Variants in MYOZ1 observed in about 807,000 individuals in gnomAD.
MYOZ1 encodes the protein myozenin 1, also known as myozenin-1.
MYOZ1 carries 20 observed loss-of-function variants against 28.7 expected under a neutral mutation model. The observed-to-expected ratio is 0.70, with a 90% CI of 0.49 to 1.01. The LOEUF is 1.01. Among genes scored for constraint, MYOZ1 ranks in the 50% least tolerant of loss-of-function variants. The pLI is 0.00. For synonymous variants in MYOZ1, 144 were observed against 145.8 expected, an observed-to-expected ratio of 0.99 and a Z score of 0.09; for missense variants, 371 against 372.4, an observed-to-expected ratio of 1.00 and a Z score of 0.03.
At chr10:73,639,902 C>T (rs372457228) in intron 2 of MYOZ1, 43 bp downstream of exon 2, 2 of 1,579,644 alleles carry the variant, frequency 1.3e-6, no homozygotes, top group African/African-American at 1.3e-5. Context: ...TTTAGGGATG[C>T]TCTTAAGAAG....
At chr10:73,634,861 C>G in intron 3 of MYOZ1, 128 bp from the exon 4 acceptor site, 1 of 1,107,328 alleles carries the variant, frequency 9.0e-7, no homozygotes, top group Non-Finnish European at 1.3e-6. Flanking sequence ...ATATTTCCCC[C>G]TCCAGTTGAT....
At position 73,634,698 on chromosome 10, in the gene MYOZ1, TC is replaced by T; in HGVS notation, c.287del (p.Gly96AspfsTer143). On this transcript the variant is annotated frameshift_variant, in exon 4 of 6. Coordinates refer to ENST00000359322, the MANE Select transcript of MYOZ1 (RefSeq NM_021245.4). LOFTEE classifies it high-confidence loss of function. ...HFQKFLPTVG[G>X]QLGTAGQGFS... ...ATCCCTGACCAGCTGTGCCCAGCTG[TC>T]CCCCCACTGTTGGAAGGAACTTCTG... The T allele has an allele frequency of 3.7e-6, 6 of 1,613,668 alleles. No individual in the cohort carries two copies. Among genetic ancestry groups the T allele is most frequent in the Non-Finnish European group, 5.1e-6 (6 of 1,179,824 alleles).
At chr10:73,638,053 C>G in intron 2 of MYOZ1, 131 bp from the exon 3 acceptor site, 1 of 810,600 alleles carries the variant, frequency 1.2e-6, no homozygotes, top group Middle Eastern at 3.8e-4. Context: ...GGAACAAATG[C>G]TGTCTAGTTT....
chr10:73,633,877 G>A, intron 5 of MYOZ1, 23 bp downstream of exon 5: 1 of 1,587,000 alleles, frequency 6.3e-7, no homozygotes, highest in African/African-American at 1.4e-5. Context: ...GAATGCATCT[G>A]GTTCCTTCCT....
In MYOZ1 at chr10:73,639,461, A is replaced by C. The variant is rs1006158509; in HGVS notation, c.73+484T>G. 8.5e-5 allele frequency among the ~76,000 whole-genome samples: 13 copies of C among 152,242 alleles called. 1 individual carries two copies. The East Asian group carries it at 2.5e-3, about 29-fold the overall frequency. ...AACTACTTTCCCTTTTCTTTCCCTCAGTGAGCTCTGGCTCCAAAGAGTCTC... is the reference window on the plus strand; with the variant it reads ...AACTACTTTCCCTTTTCTTTCCCTCCGTGAGCTCTGGCTCCAAAGAGTCTC... On this transcript the variant is annotated intron_variant, in intron 2 of 5. Coordinates refer to ENST00000359322, the MANE Select transcript of MYOZ1 (RefSeq NM_021245.4).
In MYOZ1 at chr10:73,631,770, G is replaced by A. The variant is rs1488235217; in HGVS notation, c.*160C>T. 2 of 642,586 alleles carry A rather than the reference G, an allele frequency of 3.1e-6. No homozygotes were observed. The highest frequency in any genetic ancestry group is 5.4e-6 in the Non-Finnish European group (2 of 371,750). 39.8% of individuals were successfully genotyped at this position (642,586 alleles called of 1,614,324 possible). On this transcript the variant is annotated 3_prime_UTR_variant, in exon 6 of 6. Coordinates refer to ENST00000359322, the MANE Select transcript of MYOZ1 (RefSeq NM_021245.4). ...TCTGAGTTGGTGAGGAAGGATGCGT[G>A]GAGTGGGGACTTGGAGTAAAGGATG... is the stretch of plus-strand genomic sequence containing the variant.
intron 2 of MYOZ1, among the ~76,000 whole-genome samples, chr10:73,639,183 C>T (rs1043969736): frequency 1.3e-5 from 2 of 151,816 alleles, no homozygotes; most frequent in Admixed American, 6.6e-5. Flanking sequence ...AGGGTAGCGT[C>T]GCAATCATGG....
At chr10:73,633,132 A>C (rs1007604119) in intron 5 of MYOZ1, among the ~76,000 whole-genome samples, 3 of 151,936 alleles carry the variant, frequency 2.0e-5, no homozygotes, top group Non-Finnish European at 4.4e-5. Context: ...CCCCATCTCT[A>C]CTAAAAATAC....
intron 2 of MYOZ1, 96 bp from the exon 3 acceptor site, chr10:73,638,018 T>A: frequency 1.7e-6 from 2 of 1,146,788 alleles, no homozygotes. Context: ...AGTGTGTATG[T>A]GTGTCCTGGC....
At chr10:73,637,981 T>A in intron 2 of MYOZ1, 59 bp from the exon 3 acceptor site, 1 of 1,525,986 alleles carries the variant, frequency 6.6e-7, no homozygotes, top group Non-Finnish European at 8.9e-7. Context: ...TTTTCTGGGC[T>A]CAGAATGCAG....
chr10:73,640,827 C>T (rs1306045122), intron 1 of MYOZ1, among the ~76,000 whole-genome samples: 1 of 152,104 alleles, frequency 6.6e-6, no homozygotes, highest in African/African-American at 2.4e-5. Flanking sequence ...AAACACTCTC[C>T]ATAGGAAGGA....
intron 3 of MYOZ1, among the ~76,000 whole-genome samples, chr10:73,637,010 C>CTTTTTTTTTTTTT: frequency 7.3e-6 from 1 of 137,522 alleles, no homozygotes; most frequent in Non-Finnish European, 1.5e-5. Flanking sequence ...TTTCTTTTTT[C>CTTTTTTTTTTTTT]TTTCTTTTTT....
rs768481096 is a variant in MYOZ1, at chr10:73,632,014, A to G, written c.816T>C (p.Pro272=). 1 of 1,614,124 alleles carries G rather than the reference A, an allele frequency of 6.2e-7. No individual in the cohort carries two copies. Among genetic ancestry groups the G allele is most frequent in the South Asian group, 1.1e-5 (1 of 91,080 alleles). The part of the protein sequence containing the change: ...LSNRPSFNRT[P]IPWLSSGEPV... ...GCTCCCCAGAGCTCAGCCAGGGAAT[A>G]GGGGTTCGATTGAAAGAAGGCCTGT... The change falls in exon 6 of 6, where the codon CCT becomes CCC. Residue 272 remains proline (P), a synonymous_variant. Transcript: ENST00000359322.
rs530171130 is a variant in MYOZ1 at position 73,634,548 on chromosome 10, A to T, written c.438T>A (p.Gly146=). The change falls in exon 4 of 6, where the codon GGT becomes GGA. Residue 146 remains glycine (G), a synonymous_variant. Transcript: ENST00000359322. The part of the protein sequence containing the change: ...GSGSGAGGTG[G]PAGQAGRGGA... ...CTCCTCTGCCAGCCTGGCCCGCGGGACCACCTGTACCCCCAGCTCCAGACC... is the reference window on the plus strand; with the variant it reads ...CTCCTCTGCCAGCCTGGCCCGCGGGTCCACCTGTACCCCCAGCTCCAGACC... The T allele has an allele frequency of 2.5e-6, 4 of 1,613,984 alleles. No individual in the cohort carries two copies. In the Admixed American group the frequency reaches 6.7e-5, roughly 27 times the overall value.
Position 73,634,702 on chromosome 10 carries a change from C to A in MYOZ1, c.284G>T (p.Gly95Val). Residue 95 changes from glycine (G) to valine (V), a missense_variant, in exon 4 of 6, where the codon GGG (glycine) becomes GTG (valine). Coordinates refer to ENST00000359322, the MANE Select transcript of MYOZ1 (RefSeq NM_021245.4). ...DHFQKFLPTV[G>V]GQLGTAGQGF... ...CTGACCAGCTGTGCCCAGCTGTCCC[C>A]CCACTGTTGGAAGGAACTTCTGGAA... 5 of 1,613,992 alleles carry A rather than the reference C, an allele frequency of 3.1e-6. No homozygotes were observed. The highest frequency in any genetic ancestry group is 4.2e-6 in the Non-Finnish European group (5 of 1,179,862).
At chr10:73,634,934 G>GT (rs992623447) in intron 3 of MYOZ1, among the ~76,000 whole-genome samples, 60 of 151,826 alleles carry the variant, frequency 4.0e-4, no homozygotes, top group Middle Eastern at 3.2e-3. Flanking sequence ...ATTTTTTGTG[G>GT]TTTTTTTTAG....
intron 4 of MYOZ1, 43 bp downstream of exon 4, chr10:73,634,441 G>T: frequency 6.2e-7 from 1 of 1,608,064 alleles, no homozygotes; most frequent in Admixed American, 1.7e-5. Context: ...GGACAACTCT[G>T]CTCTAGGGAC....
chr10:73,634,683 A>G lies in MYOZ1; in HGVS notation c.303T>C (p.Ala101=). The G allele has an allele frequency of 6.2e-7, 1 of 1,614,228 alleles. No homozygotes were observed. Among genetic ancestry groups the G allele is most frequent in the East Asian group, 2.2e-5 (1 of 44,892 alleles). Residue 101 remains alanine (A), a synonymous_variant, in exon 4 of 6, where the codon GCT becomes GCC. Coordinates refer to ENST00000359322, the MANE Select transcript of MYOZ1 (RefSeq NM_021245.4). ...TCTTGCTGTATGAGAATCCCTGACC[A>G]GCTGTGCCCAGCTGTCCCCCCACTG... is the stretch of plus-strand genomic sequence containing the variant. ...LPTVGGQLGT[A]GQGFSYSKSN...
In MYOZ1 at chr10:73,633,954, T is replaced by G; in HGVS notation, c.614A>C (p.Asp205Ala). The G allele has an allele frequency of 6.2e-7, 1 of 1,614,018 alleles. No individual in the cohort carries two copies. Among genetic ancestry groups the G allele is most frequent in the Non-Finnish European group, 8.5e-7 (1 of 1,179,974 alleles). Residue 205 changes from aspartate to alanine, a missense_variant, in exon 5 of 6, where the codon GAC becomes GCC. Physicochemically the swap from Asp to Ala is moderately radical, Grantham distance 126. Coordinates refer to ENST00000359322, the MANE Select transcript of MYOZ1 (RefSeq NM_021245.4). Reference sequence around the variant, plus strand: ...AGCTTTGGCCCCATAGGCCAGCAGGTCAATGCCAAGTTCCATTTTTTGCTG... The same window carrying G: ...AGCTTTGGCCCCATAGGCCAGCAGGGCAATGCCAAGTTCCATTTTTTGCTG... The part of the protein sequence containing the change: ...DPQQKMELGI[D>A]LLAYGAKAEL...
Sources: gnomAD v4.1 joint callset for allele counts (sites outside exome capture counted in the v4.1 genomes callset) on GRCh38, gnomAD v4.1.1 for gene constraint, MANE v1.5 for transcripts, NCBI Gene and HGNC (gene_info 2026-07-23, HGNC 2026-07-21) for gene names.